EXOC6B: variants seen among roughly 807,000 people sequenced by gnomAD.
The protein encoded by EXOC6B is exocyst complex component 6B, also known as SEC15 homolog B.
EXOC6B carries 54 observed loss-of-function variants against 113.5 expected under a neutral mutation model. The ratio of observed to expected loss-of-function variants is 0.48; its 90% CI spans 0.38 to 0.60. EXOC6B has a LOEUF of 0.60. EXOC6B is among the 20% of genes least tolerant of loss of function. The pLI is 0.00. For synonymous variants in EXOC6B, 357 were observed against 339.0 expected (o/e 1.05, Z -0.58); for missense variants, 797 against 977.5 (o/e 0.82, Z 2.46).
At chr2:72,819,065 A>G (rs1031121522) in intron 1 of EXOC6B, among the ~76,000 whole-genome samples, 3 of 152,214 alleles carry the variant, frequency 2.0e-5, no homozygotes, top group Non-Finnish European at 4.4e-5. Flanking sequence ...TGTACCCCAG[A>G]GCCTGGAAGA....
At chr2:72,776,292 GAA>G (rs1683696397) in intron 1 of EXOC6B, among the ~76,000 whole-genome samples, 1 of 152,136 alleles carries the variant, frequency 6.6e-6, no homozygotes, top group Non-Finnish European at 1.5e-5. Flanking sequence ...AAGCCACAAA[GAA>G]AAAGACTGGT....
chr2:72,501,275 G>C (rs1281308859), intron 11 of EXOC6B, among the ~76,000 whole-genome samples: 1 of 152,218 alleles, frequency 6.6e-6, no homozygotes, highest in East Asian at 1.9e-4. Context: ...CTCCCCTGAG[G>C]TAATGAGTTC....
intron 18 of EXOC6B, among the ~76,000 whole-genome samples, chr2:72,409,569 G>C (rs1472590211): frequency 1.3e-5 from 2 of 152,136 alleles, no homozygotes; most frequent in Admixed American, 6.5e-5. Context: ...CCTTTGTAGG[G>C]ACATGGATGA....
At chr2:72,596,943 C>G (rs938493717) in intron 6 of EXOC6B, among the ~76,000 whole-genome samples, 4 of 151,244 alleles carry the variant, frequency 2.6e-5, no homozygotes, top group African/African-American at 9.7e-5. Context: ...TATCTCAGAT[C>G]TTAATATCTA....
rs567868878 is a variant in EXOC6B at position 72,269,204 on chromosome 2, A to G, written c.2196+65743T>C. Among the ~76,000 whole-genome samples, 28 of 152,288 alleles carry G rather than the reference A, an allele frequency of 1.8e-4. No homozygotes were observed. The South Asian group carries it at 5.6e-3, about 30-fold the overall frequency. ...AAATAAAAATAAAGATGAAACAAAT[A>G]AAAATGTTAATTTTCAAGTCTGGAC... On this transcript the variant is annotated intron_variant, in intron 20 of 21. Transcript: ENST00000272427.
chr2:72,654,020 A>G (rs1573563363), intron 6 of EXOC6B, among the ~76,000 whole-genome samples: 1 of 146,274 alleles, frequency 6.8e-6, no homozygotes, highest in Non-Finnish European at 1.5e-5. Flanking sequence ...CCCAGGCTGG[A>G]GTGCAGTGCC....
intron 20 of EXOC6B, among the ~76,000 whole-genome samples, chr2:72,306,129 T>C (rs1686841693): frequency 6.6e-6 from 1 of 151,912 alleles, no homozygotes; most frequent in African/African-American, 2.4e-5. Context: ...TCAACATACA[T>C]TCACATTAAA....
intron 7 of EXOC6B, among the ~76,000 whole-genome samples, chr2:72,573,003 C>G (rs940013683): frequency 6.6e-6 from 1 of 152,136 alleles, no homozygotes; most frequent in Non-Finnish European, 1.5e-5. Context: ...TACATTCTTA[C>G]AGTACTACTT....
chr2:72,521,016 T>TG (rs2105714909), intron 8 of EXOC6B, among the ~76,000 whole-genome samples: 2 of 152,276 alleles, frequency 1.3e-5, no homozygotes, highest in Non-Finnish European at 2.9e-5. Flanking sequence ...GGTCTGAATG[T>TG]GTCCCCCAAA....
chr2:72,719,029 C>G (rs959127005), intron 5 of EXOC6B, among the ~76,000 whole-genome samples: 1 of 152,168 alleles, frequency 6.6e-6, no homozygotes, highest in African/African-American at 2.4e-5. Flanking sequence ...GTTCTGGAAA[C>G]TAAACAAAAG....
chr2:72,668,668 A>G (rs1675567320), intron 6 of EXOC6B, among the ~76,000 whole-genome samples: 1 of 152,234 alleles, frequency 6.6e-6, no homozygotes, highest in Admixed American at 6.5e-5. Context: ...ATGCAAAAAC[A>G]GAAAACCAAA....
At chr2:72,475,756 CTAGGT>C (rs1698701382) in intron 17 of EXOC6B, among the ~76,000 whole-genome samples, 1 of 152,170 alleles carries the variant, frequency 6.6e-6, no homozygotes, top group East Asian at 1.9e-4. Flanking sequence ...ATTGGGCAAC[CTAGGT>C]TAGGTCAGCA....
At chr2:72,808,156 C>T (rs1685683513) in intron 1 of EXOC6B, among the ~76,000 whole-genome samples, 1 of 151,888 alleles carries the variant, frequency 6.6e-6, no homozygotes, top group Admixed American at 6.6e-5. Context: ...AATCCTGGAA[C>T]ATCAAAAAGG....
In EXOC6B at chr2:72,236,008, C is replaced by T. The variant is rs187798448; in HGVS notation, c.2197-51821G>A. Among the ~76,000 whole-genome samples, 370 of 152,268 alleles carry T rather than the reference C, an allele frequency of 2.4e-3. 1 individual carries two copies. Among genetic ancestry groups the T allele is most frequent in the African/African-American group, 8.3e-3 (346 of 41,550 alleles). On this transcript the variant is annotated intron_variant, in intron 20 of 21. Coordinates refer to ENST00000272427, the MANE Select transcript of EXOC6B (RefSeq NM_015189.3). ...GATGATAGAGCTTAAAGGACAAATG[C>T]TATATTAATCATTCTGACTATTTCT...
Position 72,389,735 on chromosome 2 carries a change from TA to T in EXOC6B, c.1981-9866del, listed in dbSNP as rs375748296. On this transcript the variant is annotated intron_variant, in intron 18 of 21. Transcript: ENST00000272427. ...ATTTCTGGTTTGCATAGTTTCTGAT[TA>T]AAAAGAAGTATCTAGTCATTTCATC... Among the ~76,000 whole-genome samples, 22 of 152,280 alleles carry T rather than the reference TA, an allele frequency of 1.4e-4. 2 individuals carry two copies. The highest frequency in any genetic ancestry group is 4.6e-4 in the African/African-American group (19 of 41,570).
chr2:72,526,102 T>C (rs1701735705), intron 8 of EXOC6B, among the ~76,000 whole-genome samples: 1 of 152,152 alleles, frequency 6.6e-6, no homozygotes, highest in Non-Finnish European at 1.5e-5. Context: ...ATTCACAGTT[T>C]GGAAGTTTAA....
chr2:72,233,519 G>A (rs928278739), intron 20 of EXOC6B, among the ~76,000 whole-genome samples: 1 of 152,122 alleles, frequency 6.6e-6, no homozygotes, highest in African/African-American at 2.4e-5. Context: ...ATGGGAATAG[G>A]AGAATCCCCC....
chr2:72,366,911 G>A (rs1416681242), intron 19 of EXOC6B, among the ~76,000 whole-genome samples: 1 of 151,752 alleles, frequency 6.6e-6, no homozygotes, highest in Non-Finnish European at 1.5e-5. Context: ...GCGCTATAGT[G>A]TACATTGAAG....
intron 20 of EXOC6B, among the ~76,000 whole-genome samples, chr2:72,294,952 G>C (rs184438742): frequency 6.6e-6 from 1 of 151,884 alleles, no homozygotes; most frequent in Admixed American, 6.6e-5. Context: ...AATTACTCTG[G>C]CTGGGTGGGG....
Sources: allele counts gnomAD v4.1 joint callset (sites outside exome capture counted in the v4.1 genomes callset), GRCh38; gene constraint gnomAD v4.1.1; transcripts MANE v1.5; gene names NCBI Gene and HGNC (gene_info 2026-07-23, HGNC 2026-07-21).